The following ZFPM2 variants were observed in gnomAD, a reference collection of about 807,000 sequenced individuals.
The protein encoded by ZFPM2 is zinc finger protein ZFPM2.
Under a neutral mutation model 98.6 loss-of-function variants are expected in ZFPM2, and 20 were observed. That is an observed-to-expected ratio of 0.20 (90% CI 0.14 to 0.29). The LOEUF is 0.29. Among genes scored for constraint, ZFPM2 ranks in the 10% least tolerant of loss-of-function variants. The pLI, the probability that ZFPM2 is intolerant of heterozygous loss-of-function variation, is 1.00. For missense variants in ZFPM2, 1,310 were observed against 1,388.6 expected, an observed-to-expected ratio of 0.94 and a Z score of 0.90; for synonymous variants, 518 against 502.7, an observed-to-expected ratio of 1.03 and a Z score of -0.41.
intron 5 of ZFPM2, among the ~76,000 whole-genome samples, chr8:105,774,588 G>T (rs541640320): frequency 6.6e-6 from 1 of 152,298 alleles, no homozygotes; most frequent in East Asian, 1.9e-4. Context: ...CAATGTCAGA[G>T]AAATTTGTGT....
intron 3 of ZFPM2, among the ~76,000 whole-genome samples, chr8:105,476,565 T>C (rs764205849): frequency 6.6e-6 from 1 of 152,076 alleles, no homozygotes; most frequent in Non-Finnish European, 1.5e-5. Context: ...TCATAGCACT[T>C]TTCATCCTTG....
intron 3 of ZFPM2, among the ~76,000 whole-genome samples, chr8:105,558,386 G>A (rs1423462188): frequency 6.6e-6 from 1 of 152,156 alleles, no homozygotes; most frequent in Non-Finnish European, 1.5e-5. Flanking sequence ...GGAGACTGGG[G>A]TATTCTTGCT....
chr8:105,639,604 G>C (rs1158420451), intron 5 of ZFPM2, among the ~76,000 whole-genome samples: 1 of 152,002 alleles, frequency 6.6e-6, no homozygotes, highest in African/African-American at 2.4e-5. Context: ...TGTGAAAATG[G>C]AATAGCAATG....
At chr8:105,327,385 C>T (rs1449682757) in intron 1 of ZFPM2, among the ~76,000 whole-genome samples, 1 of 151,390 alleles carries the variant, frequency 6.6e-6, no homozygotes, top group Non-Finnish European at 1.5e-5. Flanking sequence ...CTTTTAATTT[C>T]TGTATTAATT....
chr8:105,659,866 G>A (rs1018748954), intron 5 of ZFPM2, among the ~76,000 whole-genome samples: 1 of 151,976 alleles, frequency 6.6e-6, no homozygotes, highest in African/African-American at 2.4e-5. Context: ...AAGAGATTAC[G>A]GATAAATAAT....
intron 5 of ZFPM2, among the ~76,000 whole-genome samples, chr8:105,651,302 A>T (rs1358485312): frequency 6.6e-6 from 1 of 151,926 alleles, no homozygotes; most frequent in Non-Finnish European, 1.5e-5. Context: ...CAATTGTTTA[A>T]AGTTTCTCCA....
At chr8:105,436,402 C>G (rs1429471038) in intron 2 of ZFPM2, among the ~76,000 whole-genome samples, 1 of 151,530 alleles carries the variant, frequency 6.6e-6, no homozygotes, top group African/African-American at 2.4e-5. Flanking sequence ...GCCTGTGGGC[C>G]CAGCTACTTG....
At chr8:105,602,802 T>C (rs1327011211) in intron 4 of ZFPM2, among the ~76,000 whole-genome samples, 1 of 152,060 alleles carries the variant, frequency 6.6e-6, no homozygotes, top group Non-Finnish European at 1.5e-5. Flanking sequence ...TCATAAAAAA[T>C]TATTTGACTG....
intron 5 of ZFPM2, among the ~76,000 whole-genome samples, chr8:105,676,950 G>C (rs1159283485): frequency 6.6e-6 from 1 of 151,942 alleles, no homozygotes; most frequent in Non-Finnish European, 1.5e-5. Flanking sequence ...ATGAAAACTT[G>C]TTAAAGAAGT....
rs185395845 is a variant in ZFPM2 at position 105,629,819 on chromosome 8, C to A, written c.421-4427C>A. On this transcript the variant is annotated intron_variant, in intron 4 of 7. Coordinates refer to ENST00000407775, the MANE Select transcript of ZFPM2 (RefSeq NM_012082.4). ...CTCAGTCCCCCATCTTTAAAGGTAG[C>A]AAAAGCAGATGGCATTTTTTTCATG... Among the ~76,000 whole-genome samples the A allele has an allele frequency of 2.4e-4, 36 of 152,238 alleles. No individual in the cohort carries two copies. The East Asian group carries it at 6.9e-3, about 29-fold the overall frequency.
At chr8:105,750,535 T>C (rs1225654303) in intron 5 of ZFPM2, among the ~76,000 whole-genome samples, 2 of 152,074 alleles carry the variant, frequency 1.3e-5, no homozygotes. Flanking sequence ...ATTTTAAAAA[T>C]GTGTATTTCT....
chr8:105,604,387 T>C (rs1816154361), intron 4 of ZFPM2, among the ~76,000 whole-genome samples: 1 of 152,156 alleles, frequency 6.6e-6, no homozygotes, highest in East Asian at 1.9e-4. Context: ...TATTTATCCT[T>C]GTCCCACAAA....
intron 5 of ZFPM2, among the ~76,000 whole-genome samples, chr8:105,637,060 C>G (rs1417647594): frequency 6.6e-6 from 1 of 152,096 alleles, no homozygotes; most frequent in Non-Finnish European, 1.5e-5. Flanking sequence ...GTGATACATA[C>G]TAGAATATGT....
intron 3 of ZFPM2, among the ~76,000 whole-genome samples, chr8:105,520,391 A>G (rs1049332040): frequency 6.6e-6 from 1 of 152,174 alleles, no homozygotes; most frequent in African/African-American, 2.4e-5. Flanking sequence ...ATTACTTACT[A>G]ATATCAACGG....
At chr8:105,414,607 T>G (rs1256233139) in intron 1 of ZFPM2, among the ~76,000 whole-genome samples, 3 of 147,736 alleles carry the variant, frequency 2.0e-5, no homozygotes, top group African/African-American at 7.5e-5. Flanking sequence ...CATCCCCCCC[T>G]TTTTTTTTTC....
At chr8:105,521,546 C>A (rs1586433282) in intron 3 of ZFPM2, among the ~76,000 whole-genome samples, 1 of 150,066 alleles carries the variant, frequency 6.7e-6, no homozygotes, top group Middle Eastern at 3.2e-3. Context: ...AGTTTAAGGG[C>A]AAGAATTTGA....
At chr8:105,459,749 C>T (rs1812668949) in intron 3 of ZFPM2, among the ~76,000 whole-genome samples, 2 of 152,060 alleles carry the variant, frequency 1.3e-5, no homozygotes, top group Admixed American at 6.5e-5. Flanking sequence ...GAGTCCTCTC[C>T]TTATGATCTC....
intron 7 of ZFPM2, among the ~76,000 whole-genome samples, chr8:105,800,472 A>G (rs1330282357): frequency 6.6e-6 from 1 of 152,082 alleles, no homozygotes; most frequent in Non-Finnish European, 1.5e-5. Context: ...GAGATAAACT[A>G]TGTTCAGCAA....
intron 4 of ZFPM2, among the ~76,000 whole-genome samples, chr8:105,591,465 C>A (rs1436468192): frequency 2.0e-5 from 3 of 152,110 alleles, no homozygotes; most frequent in African/African-American, 7.2e-5. Flanking sequence ...GTAAATACAG[C>A]TTTTAATCAA....
Sources: gnomAD v4.1 joint callset for allele counts (sites outside exome capture counted in the v4.1 genomes callset) on GRCh38, gnomAD v4.1.1 for gene constraint, MANE v1.5 for transcripts, NCBI Gene and HGNC (gene_info 2026-07-23, HGNC 2026-07-21) for gene names.